Variants in TRIM50 observed in about 807,000 individuals in gnomAD.
The protein encoded by TRIM50 is tripartite motif containing 50, also known as E3 ubiquitin-protein ligase TRIM50.
TRIM50 carries 34 observed loss-of-function variants against 44.9 expected under a neutral mutation model. The observed-to-expected ratio is 0.76, with a 90% CI of 0.58 to 1.01. TRIM50 has a LOEUF of 1.01. Among genes scored for constraint, TRIM50 ranks in the 50% least tolerant of loss-of-function variants. The pLI is 0.00. For synonymous variants in TRIM50, 307 were observed against 291.1 expected (o/e 1.05, Z -0.56); for missense variants, 633 against 663.7 (o/e 0.95, Z 0.51).
Position 73,313,510 on chromosome 7 carries a change from G to A in TRIM50, c.875C>T (p.Ala292Val), listed in dbSNP as rs1554543614. The A allele has an allele frequency of 4.7e-6, 7 of 1,497,494 alleles. No homozygotes were observed. The highest frequency in any genetic ancestry group is 1.8e-4 in the Middle Eastern group (1 of 5,630). The allele number at this position is 1,497,494 out of a possible 1,614,324, so 92.8% of individuals were successfully genotyped here. ...AGGGTCCAACTTGAGAGGCTCCGGGGCTGGGAGGGAGATCACAGAGGGTCT... is the reference window on the plus strand; with the variant it reads ...AGGGTCCAACTTGAGAGGCTCCGGGACTGGGAGGGAGATCACAGAGGGTCT... ...WKRLFRKVLP[A>V]PEPLKLDPAT... The change falls in exon 7 of 7, where the codon GCC (alanine) becomes GTC (valine). Residue 292 changes from alanine (A) to valine (V), a missense_variant and splice_region_variant. Transcript: ENST00000333149. The surrounding 1 kb of genome is among the most constrained non-coding windows in gnomAD (Gnocchi z 4.9).
At chr7:73,327,816 G>C in intron 1 of TRIM50, 84 bp downstream of exon 1, 1 of 284,144 alleles carries the variant, frequency 3.5e-6, no homozygotes, top group South Asian at 3.7e-5. Context: ...CTCCCACTGT[G>C]CGCCCCACCT....
chr7:73,314,086 C>A, intron 6 of TRIM50: 1 of 322,742 alleles, frequency 3.1e-6, no homozygotes, highest in Non-Finnish European at 5.8e-6. Flanking sequence ...GCCCGCCTCC[C>A]ACCCCTTCCC....
chr7:73,313,430 C>G lies in TRIM50; in HGVS notation c.955G>C (p.Gly319Arg), dbSNP rs370443781. The G allele has an allele frequency of 6.3e-5, 98 of 1,564,642 alleles. No homozygotes were observed. The African/African-American group carries it at 1.2e-3, about 19-fold the overall frequency. The change falls in exon 7 of 7, where the codon GGG becomes CGG. Residue 319 changes from glycine to arginine, a missense_variant. Coordinates refer to ENST00000333149, the MANE Select transcript of TRIM50 (RefSeq NM_178125.3). The surrounding 1 kb of genome is among the most constrained non-coding windows in gnomAD (Gnocchi z 4.9). ...CTGGCTCGCCGCTGGGCCAGAAGCCCGCACTGCACCACCGTGTTGCCCTTG... is the reference window on the plus strand; with the variant it reads ...CTGGCTCGCCGCTGGGCCAGAAGCCGGCACTGCACCACCGTGTTGCCCTTG... ...LSKGNTVVQC[G>R]LLAQRRASQP...
chr7:73,324,850 C>T (rs1804587915), intron 1 of TRIM50, 45 bp from the exon 2 acceptor site: 3 of 1,608,326 alleles, frequency 1.9e-6, no homozygotes, highest in Non-Finnish European at 2.5e-6. Flanking sequence ...CTCCCCTCCC[C>T]CTGTCCAGCA....
chr7:73,318,027 G>A (rs782157424), intron 5 of TRIM50, among the ~76,000 whole-genome samples: 18 of 152,294 alleles, frequency 1.2e-4, no homozygotes, highest in Middle Eastern at 3.4e-3. Context: ...TTACAGGACC[G>A]TTTCCTCGGC....
chr7:73,314,452 C>T, intron 6 of TRIM50: 2 of 420,834 alleles, frequency 4.8e-6, no homozygotes, highest in Non-Finnish European at 9.3e-6. Flanking sequence ...GACTGTTGGC[C>T]CTGACTGAGA....
In TRIM50 at chr7:73,326,404, C is replaced by CT. The variant is rs36063137; in HGVS notation, c.-19+1495dup. On this transcript the variant is annotated intron_variant, in intron 1 of 6. Transcript: ENST00000333149. ...AGGTGTGAGCCACCAAGCCTGGCCT[C>CT]TTTTTTTTTTTTTTTTAAGATATTC... 4.2e-3 allele frequency among the ~76,000 whole-genome samples: 579 copies of CT among 138,874 alleles called. 2 individuals are homozygous for CT. Among genetic ancestry groups the CT allele is most frequent in the African/African-American group, 7.5e-3 (286 of 38,216 alleles). 91.1% of individuals were successfully genotyped at this position (138,874 alleles called of 152,430 possible).
chr7:73,320,500 C>T (rs1344333618), intron 2 of TRIM50, among the ~76,000 whole-genome samples: 2 of 151,972 alleles, frequency 1.3e-5, no homozygotes, highest in African/African-American at 4.8e-5. Flanking sequence ...GAGTTCGAGA[C>T]TAGCCTGGCC....
chr7:73,318,367 C>A (rs535803421), intron 5 of TRIM50, among the ~76,000 whole-genome samples: 7 of 152,254 alleles, frequency 4.6e-5, no homozygotes, highest in Admixed American at 3.3e-4. Flanking sequence ...GAACTCCTGG[C>A]CTCAAGCAAT....
At position 73,312,873 on chromosome 7, in the gene TRIM50, G is replaced by A. The variant is rs1554543127; in HGVS notation, c.*48C>T. ...ACCCAGCAGAAGCCCGCGAGTCCCC[G>A]GTGCCCCGCCGGGATGGGCCTGTGG... On this transcript the variant is annotated 3_prime_UTR_variant, in exon 7 of 7. Transcript: ENST00000333149. 1.8e-5 allele frequency: 25 copies of A among 1,428,058 alleles called. No homozygotes were observed. The highest frequency in any genetic ancestry group is 2.3e-5 in the Non-Finnish European group (25 of 1,080,772). The allele number at this position is 1,428,058 out of a possible 1,614,324, so 88.5% of individuals were successfully genotyped here.
chr7:73,318,164 T>C (rs1195678283), intron 5 of TRIM50, among the ~76,000 whole-genome samples: 1 of 152,196 alleles, frequency 6.6e-6, no homozygotes, highest in Non-Finnish European at 1.5e-5. Context: ...TCTCGCTCCG[T>C]CACCCAGGCT....
chr7:73,318,599 G>A lies in TRIM50; in HGVS notation c.749+88C>T, dbSNP rs1476618901. 4 of 1,611,232 alleles carry A rather than the reference G, an allele frequency of 2.5e-6. No homozygotes were observed. The African/African-American group carries it at 5.3e-5, about 22-fold the overall frequency. On this transcript the variant is annotated intron_variant, in intron 5 of 6. Transcript: ENST00000333149. ...TGTGGGCAGCTGCTTGGGAGGCGCT[G>A]GTTAAACCGAATGGAGGAACCAGTG... is the stretch of plus-strand genomic sequence containing the variant.
Position 73,313,002 on chromosome 7 carries a change from CCT to C in TRIM50, c.1381_1382del (p.Arg461GlyfsTer74). 1 of 1,554,422 alleles carries C rather than the reference CCT, an allele frequency of 6.4e-7. No individual in the cohort carries two copies. On this transcript the variant is annotated frameshift_variant, in exon 7 of 7. Coordinates refer to ENST00000333149, the MANE Select transcript of TRIM50 (RefSeq NM_178125.3). LOFTEE classifies it high-confidence loss of function. This position sits in a 1 kb window ranked among gnomAD's most constrained non-coding sequence, Gnocchi z 4.9. ...YPILDTCWHERGSNSLPMVLP... is the reference protein window; with the variant it reads ...YPILDTCWHEXGSNSLPMVLP... ...GCACCATGGGCAGCGAGTTGCTGCCCCTCTCGTGCCAGCAGGTGTCCAGGATG... is the reference window on the plus strand; with the variant it reads ...GCACCATGGGCAGCGAGTTGCTGCCCCTCGTGCCAGCAGGTGTCCAGGATG...
chr7:73,314,169 GC>G, intron 6 of TRIM50: 1 of 371,168 alleles, frequency 2.7e-6, no homozygotes, highest in Non-Finnish European at 5.0e-6. Context: ...GCGTGAAGAA[GC>G]AGGAGGCCAA....
chr7:73,324,673 A>G lies in TRIM50; in HGVS notation c.115T>C (p.Cys39Arg). 6.2e-7 allele frequency: 1 copy of G among 1,614,230 alleles called. No homozygotes were observed. Among genetic ancestry groups the G allele is most frequent in the Non-Finnish European group, 8.5e-7 (1 of 1,180,026 alleles). The change falls in exon 2 of 7, where the codon TGC becomes CGC. Residue 39 changes from cysteine to arginine, a missense_variant. Physicochemically the swap from Cys to Arg is radical, Grantham distance 180. Transcript: ENST00000333149. ...LQCGHSYCKG[C>R]LVSLSCHLDA... ...AGGTGGCAGGACAGGGAAACCAGGC[A>G]GCCCTTGCAGTAAGAGTGGCCACAC...
chr7:73,321,562 C>T (rs1804496127), intron 2 of TRIM50, among the ~76,000 whole-genome samples: 1 of 152,172 alleles, frequency 6.6e-6, no homozygotes, highest in Admixed American at 6.5e-5. Context: ...GACATAAATG[C>T]ACTTCTCCTG....
At chr7:73,314,368 C>A in intron 6 of TRIM50, 1 of 399,684 alleles carries the variant, frequency 2.5e-6, no homozygotes, top group Non-Finnish European at 4.8e-6. Flanking sequence ...AGGCCCTGGA[C>A]CGCCAAACAG....
rs1401324511 is a variant in TRIM50, at chr7:73,312,943, G to T, written c.1442C>A (p.Pro481His). ...GCCCTACAGCTTGGTGGGCTGCTCG[G>T]GGCTGAGGGGGCCAGGCCCGCTGGG... ...PPPSGPGPLSPEQPTKL is the reference protein window; with the variant it reads ...PPPSGPGPLSHEQPTKL The change falls in exon 7 of 7, where the codon CCC becomes CAC. Residue 481 changes from proline to histidine, a missense_variant. Physicochemically the swap from Pro to His is moderately conservative, Grantham distance 77. Transcript: ENST00000333149. 3.9e-6 allele frequency: 6 copies of T among 1,548,102 alleles called. No individual in the cohort carries two copies. The East Asian group carries it at 1.5e-4, about 38-fold the overall frequency.
chr7:73,317,163 C>G (rs1174291228), intron 5 of TRIM50, among the ~76,000 whole-genome samples: 3 of 151,698 alleles, frequency 2.0e-5, no homozygotes, highest in African/African-American at 7.3e-5. Flanking sequence ...AAGTGATCCT[C>G]CCACCTCAGC....
Sources: gnomAD v4.1 joint callset for allele counts (sites outside exome capture counted in the v4.1 genomes callset) on GRCh38, gnomAD v4.1.1 for gene constraint, Gnocchi (gnomAD v3.1) non-coding constraint, MANE v1.5 for transcripts, NCBI Gene and HGNC (gene_info 2026-07-23, HGNC 2026-07-21) for gene names.